The following SCAF8 variants were observed in gnomAD, a reference collection of about 807,000 sequenced individuals.
SCAF8 encodes SR-related CTD associated factor 8.
In SCAF8, 23 loss-of-function variants were observed where a neutral mutation model predicts 140.5. The ratio of observed to expected loss-of-function variants is 0.16; its 90% CI spans 0.12 to 0.23. The LOEUF (loss-of-function observed/expected upper bound fraction) is 0.23, where lower values mean the gene tolerates loss of function less well. Ranked by LOEUF, SCAF8 falls within the 10% of genes least tolerant of loss-of-function variation. SCAF8 has a pLI of 1.00. For synonymous variants in SCAF8, 575 were observed against 528.9 expected (o/e 1.09, Z -1.20); for missense variants, 1,397 against 1,555.7 (o/e 0.90, Z 1.72).
chr6:154,733,766 G>C lies in SCAF8; in HGVS notation c.-135G>C. The C allele has an allele frequency of 7.3e-7, 1 of 1,361,002 alleles. No homozygotes were observed. Among genetic ancestry groups the C allele is most frequent in the African/African-American group, 1.5e-5 (1 of 64,948 alleles). 84.3% of individuals were successfully genotyped at this position (1,361,002 alleles called of 1,614,324 possible). A position where few individuals can be genotyped will look rare whatever the true frequency, so the allele number is the denominator to read the frequency against. ...AGCGCGTGCCCTTCCACTCCGCCCCGAGGTCGCAGCGGCCCGCTCTCCCGC... is the reference window on the plus strand; with the variant it reads ...AGCGCGTGCCCTTCCACTCCGCCCCCAGGTCGCAGCGGCCCGCTCTCCCGC... On this transcript the variant is annotated 5_prime_UTR_variant, in exon 1 of 20. Coordinates refer to ENST00000367178, the MANE Select transcript of SCAF8 (RefSeq NM_014892.5).
intron 12 of SCAF8, 63 bp downstream of exon 12, chr6:154,810,271 A>AGAAAGTCTCT: frequency 8.0e-7 from 1 of 1,254,490 alleles, no homozygotes; most frequent in Admixed American, 2.7e-5. Flanking sequence ...GTTATCTGCT[A>AGAAAGTCTCT]CAAAGTCTCT....
In SCAF8 at chr6:154,822,338, A is replaced by G. The variant is rs1189917860; in HGVS notation, c.1855A>G (p.Thr619Ala). ...GACGGTCCAGACAACTCAGAGCCCA[A>G]CTCCAGTTGAAAAGGAGACAGTGGT... ...KETVQTTQSP[T>A]PVEKETVVTT... is the part of the protein sequence containing the mutation. Residue 619 changes from threonine to alanine, a missense_variant, in exon 16 of 20, where the codon ACT becomes GCT. Physicochemically the swap from Thr to Ala is moderately conservative, Grantham distance 58. Around this residue, in one of 5 missense-constraint regions of SCAF8, gnomAD observed 930 missense variants for 874.6 expected, o/e 1.06. Coordinates refer to ENST00000367178, the MANE Select transcript of SCAF8 (RefSeq NM_014892.5). 4 of 1,613,736 alleles carry G rather than the reference A, an allele frequency of 2.5e-6. No individual in the cohort carries two copies. The highest frequency in any genetic ancestry group is 3.4e-6 in the Non-Finnish European group (4 of 1,179,758).
chr6:154,812,884 T>C (rs1778137755), intron 12 of SCAF8, among the ~76,000 whole-genome samples: 1 of 152,036 alleles, frequency 6.6e-6, no homozygotes, highest in Admixed American at 6.6e-5. Flanking sequence ...AGCTGGAATA[T>C]GCAGAACCAG....
At chr6:154,765,163 AGT>A (rs1776525658) in intron 1 of SCAF8, among the ~76,000 whole-genome samples, 1 of 152,198 alleles carries the variant, frequency 6.6e-6, no homozygotes, top group Admixed American at 6.5e-5. Flanking sequence ...TGTTAGTTAT[AGT>A]GTCATTCATA....
chr6:154,812,228 A>T (rs1340496099), intron 12 of SCAF8, among the ~76,000 whole-genome samples: 3 of 84,718 alleles, frequency 3.5e-5, no homozygotes, highest in Admixed American at 1.6e-4. Flanking sequence ...TGACCACCCT[A>T]TGTTGAGTAC....
intron 1 of SCAF8, among the ~76,000 whole-genome samples, chr6:154,755,661 G>A (rs1778949600): frequency 6.6e-6 from 1 of 152,154 alleles, no homozygotes; most frequent in African/African-American, 2.4e-5. Context: ...ATGGATTTGA[G>A]ACTTTACATA....
At chr6:154,741,511 A>G (rs1051786137) in intron 1 of SCAF8, among the ~76,000 whole-genome samples, 4 of 151,986 alleles carry the variant, frequency 2.6e-5, no homozygotes, top group African/African-American at 9.7e-5. Flanking sequence ...GGTTCAAGCA[A>G]TTCTCCTGCC....
chr6:154,742,406 C>A (rs774430021), intron 1 of SCAF8, among the ~76,000 whole-genome samples: 41 of 152,022 alleles, frequency 2.7e-4, no homozygotes, highest in Admixed American at 4.6e-4. Context: ...AAATTATTGA[C>A]ATATATGCTA....
chr6:154,778,981 A>T (rs1256030070), intron 3 of SCAF8, among the ~76,000 whole-genome samples: 1 of 152,106 alleles, frequency 6.6e-6, no homozygotes, highest in Non-Finnish European at 1.5e-5. Context: ...TTCTGATTAA[A>T]GATCTTTCTT....
At chr6:154,774,140 A>G (rs1776852317) in intron 2 of SCAF8, 68 bp downstream of exon 2, 6 of 1,020,660 alleles carry the variant, frequency 5.9e-6, no homozygotes, top group Non-Finnish European at 4.6e-6. Flanking sequence ...GATGGGGGAT[A>G]ATTTTTTTAT....
Position 154,832,610 on chromosome 6 carries a change from G to C in SCAF8, c.3031G>C (p.Glu1011Gln). Residue 1011 changes from glutamate (E) to glutamine (Q), a missense_variant, in exon 20 of 20, where the codon GAA becomes CAA. Physicochemically the swap from Glu to Gln is conservative, Grantham distance 29. Transcript: ENST00000367178. ...ACTTGGGAATGATAACATTCAACAGGAAGGAGATAGAGATTACCGGTTTCC... is the reference window on the plus strand; with the variant it reads ...ACTTGGGAATGATAACATTCAACAGCAAGGAGATAGAGATTACCGGTTTCC... ...IPLGNDNIQQEGDRDYRFPPI... is the reference protein window; with the variant it reads ...IPLGNDNIQQQGDRDYRFPPI... 1 of 1,614,108 alleles carries C rather than the reference G, an allele frequency of 6.2e-7. No individual in the cohort carries two copies.
intron 1 of SCAF8, among the ~76,000 whole-genome samples, chr6:154,738,390 A>T (rs1778484145): frequency 6.6e-6 from 1 of 152,208 alleles, no homozygotes; most frequent in African/African-American, 2.4e-5. Flanking sequence ...CTATGTCAGA[A>T]GATCCTTTAA....
At chr6:154,742,390 G>A (rs1183183380) in intron 1 of SCAF8, among the ~76,000 whole-genome samples, 2 of 152,046 alleles carry the variant, frequency 1.3e-5, no homozygotes, top group Non-Finnish European at 2.9e-5. Context: ...TGAACTATAA[G>A]ATGACAAATT....
Position 154,815,701 on chromosome 6 carries a change from CTT to C in SCAF8, c.1421-14_1421-13del. On this transcript the variant is annotated splice_polypyrimidine_tract_variant and intron_variant, in intron 12 of 19. Coordinates refer to ENST00000367178, the MANE Select transcript of SCAF8 (RefSeq NM_014892.5). ...TCTAAATGATTTAGGTCATTTGTCT[CTT>C]GTGTCTTGACAGTATGTAGTACTAC... 2 of 1,524,678 alleles carry C rather than the reference CTT, an allele frequency of 1.3e-6. No homozygotes were observed. The highest frequency in any genetic ancestry group is 1.8e-6 in the Non-Finnish European group (2 of 1,100,810). 94.4% of individuals were successfully genotyped at this position (1,524,678 alleles called of 1,614,324 possible). A position where few individuals can be genotyped will look rare whatever the true frequency, so the allele number is the denominator to read the frequency against.
intron 1 of SCAF8, 27 bp downstream of exon 1, chr6:154,733,957 C>A: frequency 6.6e-7 from 1 of 1,519,070 alleles, no homozygotes; most frequent in Non-Finnish European, 8.8e-7. Flanking sequence ...GGTTCCCCTG[C>A]TCCTGCCCGC....
intron 1 of SCAF8, among the ~76,000 whole-genome samples, chr6:154,744,469 GC>G (rs1271273528): frequency 1.3e-5 from 2 of 152,168 alleles, no homozygotes; most frequent in African/African-American, 4.8e-5. Context: ...TTTTTCTGCA[GC>G]CATTACCATG....
Position 154,833,491 on chromosome 6 carries a change from C to T in SCAF8, c.*96C>T. On this transcript the variant is annotated 3_prime_UTR_variant, in exon 20 of 20. Transcript: ENST00000367178. Reference sequence around the variant, plus strand: ...GACCATAGTTGTTCACTTTTGTCTGCCAGAATTAAGTTAATCTGATGTTCA... The same window carrying T: ...GACCATAGTTGTTCACTTTTGTCTGTCAGAATTAAGTTAATCTGATGTTCA... The T allele has an allele frequency of 8.3e-7, 1 of 1,206,188 alleles. No individual in the cohort carries two copies. Among genetic ancestry groups the T allele is most frequent in the Non-Finnish European group, 1.2e-6 (1 of 860,740 alleles). 74.7% of individuals were successfully genotyped at this position (1,206,188 alleles called of 1,614,324 possible).
In SCAF8 at chr6:154,748,108, G is replaced by C. The variant is rs187280072; in HGVS notation, c.30+14178G>C. Among the ~76,000 whole-genome samples the C allele has an allele frequency of 7.3e-4, 111 of 152,144 alleles. No individual in the cohort carries two copies. The East Asian group carries it at 0.015, about 20-fold the overall frequency. Reference sequence around the variant, plus strand: ...ATTGCTTTCTATCTCTTCCTTTTTTGTGAAGTGTAATATTTATTTGAAAGT... The same window carrying C: ...ATTGCTTTCTATCTCTTCCTTTTTTCTGAAGTGTAATATTTATTTGAAAGT... On this transcript the variant is annotated intron_variant, in intron 1 of 19. Transcript: ENST00000367178.
Position 154,832,185 on chromosome 6 carries a change from T to C in SCAF8, c.2606T>C (p.Leu869Ser). The change falls in exon 20 of 20, where the codon TTG (leucine) becomes TCG (serine). Residue 869 changes from leucine to serine, a missense_variant. Leu to Ser is a moderately radical substitution (Grantham distance 145). Around this residue, in one of 5 missense-constraint regions of SCAF8, gnomAD observed 930 missense variants for 874.6 expected, o/e 1.06. Coordinates refer to ENST00000367178, the MANE Select transcript of SCAF8 (RefSeq NM_014892.5). The part of the protein sequence containing the change: ...PPSVSNSSGL[L>S]GVLPPNIPNN... ...AGTGTGTCAAATAGTTCTGGACTTT[T>C]GGGAGTGCTACCCCCAAATATACCT... is the stretch of plus-strand genomic sequence containing the variant. The C allele has an allele frequency of 6.2e-7, 1 of 1,614,166 alleles. No individual in the cohort carries two copies. Among genetic ancestry groups the C allele is most frequent in the South Asian group, 1.1e-5 (1 of 91,080 alleles).
Sources: allele counts gnomAD v4.1 joint callset (sites outside exome capture counted in the v4.1 genomes callset), GRCh38; gene constraint gnomAD v4.1.1; regional missense constraint gnomAD v4.1.1; transcripts MANE v1.5; gene names NCBI Gene and HGNC (gene_info 2026-07-23, HGNC 2026-07-21).